The following MOSPD2 variants were observed in gnomAD, a reference collection of about 807,000 sequenced individuals.
The protein encoded by MOSPD2 is motile sperm domain-containing protein 2.
MOSPD2 carries 5 observed loss-of-function variants against 41.7 expected under a neutral mutation model. That is an observed-to-expected ratio of 0.12 (90% confidence interval 0.06 to 0.25). MOSPD2 has a LOEUF of 0.25. MOSPD2 is among the 10% of genes least tolerant of loss of function. The probability of loss-of-function intolerance (pLI) is 1.00; values close to 1 mark genes in which losing one functional copy is unlikely to be tolerated. For missense variants in MOSPD2, 282 were observed against 375.2 expected (o/e 0.75, Z 2.05); for synonymous variants, 115 against 126.9 (o/e 0.91, Z 0.63).
intron 2 of MOSPD2, among the ~76,000 whole-genome samples, chrX:14,876,522 T>A (rs1190207464): frequency 8.9e-6 from 1 of 111,951 alleles, no homozygotes; most frequent in Non-Finnish European, 1.9e-5. Flanking sequence ...GCAAAAAGAA[T>A]GAAGTATTAG....
chrX:14,883,096 G>A (rs1410631976), intron 2 of MOSPD2, among the ~76,000 whole-genome samples: 2 of 110,535 alleles, frequency 1.8e-5, no homozygotes, highest in East Asian at 2.9e-4. Flanking sequence ...TCGGGAGGCT[G>A]AGGCAGAGGA....
intron 7 of MOSPD2, among the ~76,000 whole-genome samples, chrX:14,905,478 G>A (rs1341902857): frequency 4.6e-5 from 5 of 109,646 alleles, no homozygotes; most frequent in Non-Finnish European, 7.6e-5. Flanking sequence ...ACTGACACAC[G>A]TCTTCCTGTA....
At chrX:14,889,983 T>C (rs974000326) in intron 2 of MOSPD2, among the ~76,000 whole-genome samples, 2 of 112,009 alleles carry the variant, frequency 1.8e-5, no homozygotes, top group African/African-American at 6.5e-5. Flanking sequence ...GTTTTTAGAA[T>C]ATATCTGGGG....
At position 14,920,428 on chromosome X, in the gene MOSPD2, G is replaced by T. The variant is rs1268351672; in HGVS notation, c.*619G>T. The T allele has an allele frequency of 1.3e-6, 1 of 752,970 alleles. No homozygotes were observed. The highest frequency in any genetic ancestry group is 2.3e-5 in the African/African-American group (1 of 43,272). The allele number at this position is 752,970 out of a possible 1,213,427, so 62.1% of individuals were successfully genotyped here. ...GTTTCTCAGTGTTCCTTAACAGCCT[G>T]CCTTTTATTAATCTCAGGCTTTTTT... On this transcript the variant is annotated 3_prime_UTR_variant, in exon 15 of 15. Transcript: ENST00000380492.
Position 14,914,615 on chromosome X carries a change from A to G in MOSPD2, c.1089+16A>G. 1 of 882,028 alleles carries G rather than the reference A, an allele frequency of 1.1e-6. No individual in the cohort carries two copies. The highest frequency in any genetic ancestry group is 1.6e-6 in the Non-Finnish European group (1 of 614,835). The allele number at this position is 882,028 out of a possible 1,213,427, so 72.7% of individuals were successfully genotyped here. A position where few individuals can be genotyped will look rare whatever the true frequency, so the allele number is the denominator to read the frequency against. On this transcript the variant is annotated intron_variant, in intron 11 of 14. Transcript: ENST00000380492. Reference sequence around the variant, plus strand: ...GGCATTTAAGGTAAATATCTTAAAGATACAATAAATTATGTTTGAGAATTT... The same window carrying G: ...GGCATTTAAGGTAAATATCTTAAAGGTACAATAAATTATGTTTGAGAATTT...
At chrX:14,876,048 A>C (rs1387112635) in intron 2 of MOSPD2, among the ~76,000 whole-genome samples, 1 of 112,118 alleles carries the variant, frequency 8.9e-6, no homozygotes, top group African/African-American at 3.2e-5. Context: ...ATATATACAT[A>C]AGAAGATTGG....
At position 14,908,953 on chromosome X, in the gene MOSPD2, T is replaced by C; in HGVS notation, c.671T>C (p.Val224Ala). Residue 224 changes from valine to alanine, a missense_variant, in exon 8 of 15, where the codon GTA becomes GCA. Val to Ala is a moderately conservative substitution (Grantham distance 64). Coordinates refer to ENST00000380492, the MANE Select transcript of MOSPD2 (RefSeq NM_152581.4). ...AATGAAGTCCAGGACTATGTCAGTGTAGAATACCTGCCTCCCCACATGGGT... is the reference window on the plus strand; with the variant it reads ...AATGAAGTCCAGGACTATGTCAGTGCAGAATACCTGCCTCCCCACATGGGT... ...SKNEVQDYVS[V>A]EYLPPHMGGT... 2 of 1,175,042 alleles carry C rather than the reference T, an allele frequency of 1.7e-6. No homozygotes were observed. The highest frequency in any genetic ancestry group is 2.3e-6 in the Non-Finnish European group (2 of 870,725).
intron 2 of MOSPD2, among the ~76,000 whole-genome samples, chrX:14,875,730 G>C (rs1206888122): frequency 8.9e-6 from 1 of 111,853 alleles, no homozygotes; most frequent in Non-Finnish European, 1.9e-5. Flanking sequence ...TGCCTGGGAA[G>C]ATTTTACCCA....
At chrX:14,899,601 C>T (rs1295765448) in intron 5 of MOSPD2, among the ~76,000 whole-genome samples, 1 of 105,329 alleles carries the variant, frequency 9.5e-6, no homozygotes, top group African/African-American at 3.5e-5. Flanking sequence ...CACACACACA[C>T]ACACAAAGGT....
intron 2 of MOSPD2, among the ~76,000 whole-genome samples, chrX:14,875,573 CT>C (rs1465525785): frequency 8.9e-6 from 1 of 111,922 alleles, no homozygotes; most frequent in East Asian, 2.8e-4. Context: ...TTCTATTTGA[CT>C]TCCTTTTAAA....
chrX:14,921,032 C>G lies in MOSPD2; in HGVS notation c.*1223C>G. ...ATATGGTAGTACCCACCCGGTATTC[C>G]TAAAATCCTAAAAAGATACACCTTG... is the stretch of plus-strand genomic sequence containing the variant. On this transcript the variant is annotated 3_prime_UTR_variant, in exon 15 of 15. Transcript: ENST00000380492. The G allele has an allele frequency of 1.3e-6, 1 of 765,385 alleles. No homozygotes were observed. The allele number at this position is 765,385 out of a possible 1,213,427, so 63.1% of individuals were successfully genotyped here. A position where few individuals can be genotyped will look rare whatever the true frequency, so the allele number is the denominator to read the frequency against.
intron 2 of MOSPD2, among the ~76,000 whole-genome samples, chrX:14,879,568 A>G (rs1416162579): frequency 9.0e-6 from 1 of 111,352 alleles, no homozygotes; most frequent in Admixed American, 9.6e-5. Context: ...TATAACCCAT[A>G]TCAACAAAGA....
rs956150373 is a variant in MOSPD2, at chrX:14,918,768, G to A, written c.1405G>A (p.Asp469Asn). The change falls in exon 14 of 15, where the codon GAT becomes AAT. Residue 469 changes from aspartate to asparagine, a missense_variant. By Grantham distance (23) the Asp-to-Asn change is conservative. This residue lies in a region of MOSPD2 where 94 missense variants were observed against 102.1 expected (regional missense o/e 0.92). Transcript: ENST00000380492. ...CAATATGTCAGATAAAACCAGTGAAGATATATGTCTACAAGTAAGTATACT... is the reference window on the plus strand; with the variant it reads ...CAATATGTCAGATAAAACCAGTGAAAATATATGTCTACAAGTAAGTATACT... ...AFNMSDKTSE[D>N]ICLQLSRLLE... The A allele has an allele frequency of 2.0e-5, 23 of 1,160,174 alleles. No individual in the cohort carries two copies. The highest frequency in any genetic ancestry group is 2.7e-5 in the Non-Finnish European group (23 of 851,232).
At chrX:14,914,895 C>T (rs1014126886) in intron 11 of MOSPD2, among the ~76,000 whole-genome samples, 1 of 111,715 alleles carries the variant, frequency 9.0e-6, no homozygotes, top group African/African-American at 3.2e-5. Flanking sequence ...TTACTCTTTA[C>T]TATGTGAATA....
Position 14,920,438 on chromosome X carries a change from A to T in MOSPD2, c.*629A>T, listed in dbSNP as rs1347144904. On this transcript the variant is annotated 3_prime_UTR_variant, in exon 15 of 15. Transcript: ENST00000380492. The stretch of plus-strand genomic sequence containing the variant: ...GTTCCTTAACAGCCTGCCTTTTATT[A>T]ATCTCAGGCTTTTTTATGAACACTC... 1.3e-6 allele frequency: 1 copy of T among 753,009 alleles called. No homozygotes were observed. Among genetic ancestry groups the T allele is most frequent in the African/African-American group, 2.3e-5 (1 of 43,263 alleles). 62.1% of individuals were successfully genotyped at this position (753,009 alleles called of 1,213,427 possible).
chrX:14,876,080 G>A (rs1195039993), intron 2 of MOSPD2, among the ~76,000 whole-genome samples: 2 of 111,932 alleles, frequency 1.8e-5, no homozygotes, highest in African/African-American at 3.2e-5. Context: ...AGATTTGCAT[G>A]GAAAAAGAAA....
chrX:14,887,994 G>A (rs1012187158), intron 2 of MOSPD2, among the ~76,000 whole-genome samples: 2 of 110,750 alleles, frequency 1.8e-5, no homozygotes, highest in Non-Finnish European at 3.8e-5. Flanking sequence ...AGTAGAAAGG[G>A]CCAATGAACC....
rs760567070 is a variant in MOSPD2, at chrX:14,901,966, T to TTATA, written c.539-987_539-984dup. ...ATACTATTCATCTTAACTAGAGATT[T>TTATA]TATATATATATATATACACACACAC... On this transcript the variant is annotated intron_variant, in intron 6 of 14. Coordinates refer to ENST00000380492, the MANE Select transcript of MOSPD2 (RefSeq NM_152581.4). 9.1e-4 allele frequency among the ~76,000 whole-genome samples: 97 copies of TTATA among 106,809 alleles called. No homozygotes were observed. In the South Asian group the frequency reaches 0.011, roughly 12 times the overall value. The allele number at this position is 106,809 out of a possible 115,157, so 92.8% of individuals were successfully genotyped here.
rs765821630 is a variant in MOSPD2 at position 14,892,384 on chromosome X, C to T, written c.80-339C>T. On this transcript the variant is annotated intron_variant, in intron 2 of 14. Transcript: ENST00000380492. ...GCCAGGCTCTTTTCAACAATCAGTTCGTGCGGGAACTAAGAGCAAGAATTC... is the reference window on the plus strand; with the variant it reads ...GCCAGGCTCTTTTCAACAATCAGTTTGTGCGGGAACTAAGAGCAAGAATTC... Among the ~76,000 whole-genome samples, 14 of 111,080 alleles carry T rather than the reference C, an allele frequency of 1.3e-4. No homozygotes were observed. In the East Asian group the frequency reaches 3.1e-3, roughly 25 times the overall value.
Sources: gnomAD v4.1 joint callset for allele counts (sites outside exome capture counted in the v4.1 genomes callset) on GRCh38, gnomAD v4.1.1 for gene constraint, gnomAD v4.1.1 regional missense constraint, MANE v1.5 for transcripts, NCBI Gene and HGNC (gene_info 2026-07-23, HGNC 2026-07-21) for gene names.